The following CSF1R variants were observed in gnomAD, a reference collection of about 807,000 sequenced individuals.
CSF1R encodes macrophage colony-stimulating factor 1 receptor.
A neutral mutation model predicts 110.0 loss-of-function variants in CSF1R; 40 were observed. The ratio of observed to expected loss-of-function variants is 0.36; its 90% confidence interval spans 0.28 to 0.47. CSF1R has a LOEUF of 0.47. CSF1R is among the 20% of genes least tolerant of loss of function. The probability of loss-of-function intolerance (pLI) is 0.99; values close to 1 mark genes in which losing one functional copy is unlikely to be tolerated. For missense variants in CSF1R, 1,052 were observed against 1,253.0 expected, an observed-to-expected ratio of 0.84 and a Z score of 2.42; for synonymous variants, 523 against 503.4, an observed-to-expected ratio of 1.04 and a Z score of -0.52.
chr5:150,069,563 G>A (rs1460366523), intron 9 of CSF1R, among the ~76,000 whole-genome samples: 2 of 152,154 alleles, frequency 1.3e-5, no homozygotes, highest in African/African-American at 4.8e-5. Flanking sequence ...GGCACACGGT[G>A]CATAATGCCT....
intron 6 of CSF1R, among the ~76,000 whole-genome samples, chr5:150,071,022 G>A (rs1758009810): frequency 6.6e-6 from 1 of 152,186 alleles, no homozygotes; most frequent in Non-Finnish European, 1.5e-5. Flanking sequence ...TCAAGTCCTG[G>A]TGCTGCTGTT....
intron 9 of CSF1R, among the ~76,000 whole-genome samples, chr5:150,069,452 C>T (rs1445622204): frequency 3.3e-5 from 5 of 152,146 alleles, no homozygotes; most frequent in Non-Finnish European, 7.4e-5. Context: ...CCTTAGCTGG[C>T]CCCGAGCTGG....
At position 150,054,308 on chromosome 5, in the gene CSF1R, C is replaced by T. The variant is rs780121391; in HGVS notation, c.2763+14G>A. ...GCTTTACCGGCCACCCACCCCAAGC[C>T]TCACCCCACTCACCCGCTCTCTCCT... On this transcript the variant is annotated intron_variant, in intron 20 of 20. Coordinates refer to ENST00000675795, the MANE Select transcript of CSF1R (RefSeq NM_001288705.3). 3 of 1,614,140 alleles carry T rather than the reference C, an allele frequency of 1.9e-6. No homozygotes were observed. In the South Asian group the frequency reaches 3.3e-5, roughly 18 times the overall value.
chr5:150,064,178 G>C (rs1451487309), intron 10 of CSF1R, among the ~76,000 whole-genome samples: 1 of 152,144 alleles, frequency 6.6e-6, no homozygotes, highest in Non-Finnish European at 1.5e-5. Flanking sequence ...AGCGGGCGAG[G>C]GTTGAAAAAC....
chr5:150,063,330 T>C (rs901943136), intron 10 of CSF1R, among the ~76,000 whole-genome samples: 1 of 151,990 alleles, frequency 6.6e-6, no homozygotes, highest in Non-Finnish European at 1.5e-5. Context: ...CCCTGAGAGT[T>C]TGACACAGGT....
intron 6 of CSF1R, among the ~76,000 whole-genome samples, chr5:150,073,065 G>A (rs1338720869): frequency 1.3e-5 from 2 of 152,160 alleles, no homozygotes; most frequent in Non-Finnish European, 2.9e-5. Flanking sequence ...CTTGGGTGGG[G>A]CATTGACTAT....
intron 1 of CSF1R, among the ~76,000 whole-genome samples, chr5:150,093,892 T>C (rs1759125737): frequency 6.6e-6 from 1 of 152,038 alleles, no homozygotes; most frequent in African/African-American, 2.4e-5. Context: ...GGCAAAACCC[T>C]GTCTTTACTA....
intron 10 of CSF1R, among the ~76,000 whole-genome samples, chr5:150,064,985 C>T (rs1350770395): frequency 2.6e-5 from 4 of 152,166 alleles, no homozygotes; most frequent in Non-Finnish European, 4.4e-5. Context: ...TGGGGATGGG[C>T]GAGGCTCCCT....
chr5:150,098,296 C>A (rs1265960224), intron 1 of CSF1R: 3 of 152,070 alleles, frequency 2.0e-5, no homozygotes, highest in African/African-American at 7.2e-5. Flanking sequence ...CAAAACCATA[C>A]AACTATTACA....
At chr5:150,084,936 T>C (rs1310020010) in intron 1 of CSF1R, among the ~76,000 whole-genome samples, 1 of 152,070 alleles carries the variant, frequency 6.6e-6, no homozygotes, top group Non-Finnish European at 1.5e-5. Flanking sequence ...TCAGACCTCA[T>C]TGAACTTAAG....
At position 150,086,270 on chromosome 5, in the gene CSF1R, G is replaced by C. The variant is rs952328770; in HGVS notation, c.49+109C>G. 2.5e-5 allele frequency: 27 copies of C among 1,099,152 alleles called. No individual in the cohort carries two copies. The African/African-American group carries it at 3.4e-4, about 14-fold the overall frequency. The allele number at this position is 1,099,152 out of a possible 1,614,324, so 68.1% of individuals were successfully genotyped here. A position where few individuals can be genotyped will look rare whatever the true frequency, so the allele number is the denominator to read the frequency against. On this transcript the variant is annotated intron_variant, in intron 1 of 20. Coordinates refer to ENST00000675795, the MANE Select transcript of CSF1R (RefSeq NM_001288705.3). ...CAAGCCTGCAGTCCAGTGTTGGGGA[G>C]ACTAAAACAGCCTGAGGACACCCAG...
rs761676784 is a variant in CSF1R, at chr5:150,073,489, ACT to A, written c.892_893del (p.Ser298CysfsTer8). The part of the protein sequence containing the change: ...STSMFFRVVE[S>X]AYLNLSSEQN... ...GCTCAGAGCTCAAGTTCAAGTAGGC[ACT>A]CTCTGGAAAGCAGAACACACAAGCA... On this transcript the variant is annotated frameshift_variant and splice_region_variant, in exon 6 of 21. Coordinates refer to ENST00000675795, the MANE Select transcript of CSF1R (RefSeq NM_001288705.3). LOFTEE classifies it high-confidence loss of function. 2 of 1,612,550 alleles carry A rather than the reference ACT, an allele frequency of 1.2e-6. No homozygotes were observed. Among genetic ancestry groups the A allele is most frequent in the Non-Finnish European group, 1.7e-6 (2 of 1,178,964 alleles).
intron 10 of CSF1R, among the ~76,000 whole-genome samples, chr5:150,064,996 G>A (rs1757696593): frequency 6.6e-6 from 1 of 152,224 alleles, no homozygotes. Flanking sequence ...GAGGCTCCCT[G>A]AGAAGGGTGG....
rs753281770 is a variant in CSF1R, at chr5:150,057,543, G to T, written c.2182C>A (p.Pro728Thr). 1 of 1,614,216 alleles carries T rather than the reference G, an allele frequency of 6.2e-7. No individual in the cohort carries two copies. Among genetic ancestry groups the T allele is most frequent in the Admixed American group, 1.7e-5 (1 of 60,030 alleles). ...GAGTCATTTGAAGAAGTGGAGACAG[G>T]CCTCATCTCCACATAGGTGTCCACA... is the stretch of plus-strand genomic sequence containing the variant. ...QGVDTYVEMR[P>T]VSTSSNDSFS... Residue 728 changes from proline to threonine, a missense_variant, in exon 15 of 21, where the codon CCT (proline) becomes ACT (threonine). Around this residue, in one of 5 missense-constraint regions of CSF1R, gnomAD observed 124 missense variants for 117.7 expected, o/e 1.05. Coordinates refer to ENST00000675795, the MANE Select transcript of CSF1R (RefSeq NM_001288705.3).
intron 3 of CSF1R, 87 bp from the exon 4 acceptor site, chr5:150,078,335 C>T: frequency 6.6e-7 from 1 of 1,519,468 alleles, no homozygotes; most frequent in Non-Finnish European, 8.9e-7. Context: ...GGCCAGGACA[C>T]ACAGGCCAGG....
rs1340630590 is a variant in CSF1R, at chr5:150,095,109, T to C, written c.-180-8502A>G. 30 of 391,522 alleles carry C rather than the reference T, an allele frequency of 7.7e-5. 1 individual carries two copies. Among genetic ancestry groups the C allele is most frequent in the South Asian group, 7.4e-4 (12 of 16,300 alleles). 24.3% of individuals were successfully genotyped at this position (391,522 alleles called of 1,614,324 possible). A position where few individuals can be genotyped will look rare whatever the true frequency, so the allele number is the denominator to read the frequency against. Reference sequence around the variant, plus strand: ...TTAATAAACAGTACCTGCTCTCAAATTGGAAAAAAAAAAAAAAAAAAAAAG... The same window carrying C: ...TTAATAAACAGTACCTGCTCTCAAACTGGAAAAAAAAAAAAAAAAAAAAAG... On this transcript the variant is annotated intron_variant, in intron 1 of 21. Coordinates refer to the CSF1R transcript ENST00000286301.
chr5:150,080,806 G>C lies in CSF1R; in HGVS notation c.268C>G (p.Pro90Ala). ...GTYRCTEPGD[P>A]LGGSAAIHLY... ...TGGATGGCGGCGCTGCCTCCCAGGG[G>C]GTCTCCAGGCTCAGTGCAGCGATAG... Residue 90 changes from proline to alanine, a missense_variant, in exon 2 of 21, where the codon CCC becomes GCC. Physicochemically the swap from Pro to Ala is conservative, Grantham distance 27 (BLOSUM62 -1). This residue lies in a region of CSF1R where 693 missense variants were observed against 735.4 expected (regional missense o/e 0.94). Coordinates refer to ENST00000675795, the MANE Select transcript of CSF1R (RefSeq NM_001288705.3). 6.2e-7 allele frequency: 1 copy of C among 1,614,144 alleles called. No individual in the cohort carries two copies. Among genetic ancestry groups the C allele is most frequent in the Non-Finnish European group, 8.5e-7 (1 of 1,180,014 alleles).
Position 150,057,338 on chromosome 5 carries a change from A to G in CSF1R, c.2268T>C (p.Leu756=), listed in dbSNP as rs763690501. The change falls in exon 16 of 21, where the codon CTT becomes CTC. Residue 756 remains leucine, a synonymous_variant. Coordinates refer to ENST00000675795, the MANE Select transcript of CSF1R (RefSeq NM_001288705.3). ...CCTGGGCTACTTGGCTGGAGAAGTG[A>G]AGCAGGTCCCGGAGCTCCAGGGGCC... is the stretch of plus-strand genomic sequence containing the variant. ...DGRPLELRDL[L]HFSSQVAQGM... is the part of the protein sequence containing the mutation. 1.2e-6 allele frequency: 2 copies of G among 1,614,038 alleles called. No homozygotes were observed. The highest frequency in any genetic ancestry group is 2.2e-5 in the South Asian group (2 of 91,062).
intron 18 of CSF1R, among the ~76,000 whole-genome samples, chr5:150,055,712 C>G (rs1757180059): frequency 6.6e-6 from 1 of 152,192 alleles, no homozygotes; most frequent in African/African-American, 2.4e-5. Flanking sequence ...CTACTAGAGC[C>G]TAGTAGTAGA....
Sources: gnomAD v4.1 joint callset for allele counts (sites outside exome capture counted in the v4.1 genomes callset) on GRCh38, gnomAD v4.1.1 for gene constraint, gnomAD v4.1.1 regional missense constraint, MANE v1.5 for transcripts, NCBI Gene and HGNC (gene_info 2026-07-23, HGNC 2026-07-21) for gene names.